Variants in CEP162 observed in about 807,000 individuals in gnomAD.
CEP162 encodes the protein centrosomal protein 162.
A neutral mutation model predicts 169.2 loss-of-function variants in CEP162; 141 were observed. That is an observed-to-expected ratio of 0.83 (90% CI 0.73 to 0.96). The LOEUF (loss-of-function observed/expected upper bound fraction) is 0.96. Among genes scored for constraint, CEP162 ranks in the 40% least tolerant of loss-of-function variants. The pLI is 0.00. For missense variants in CEP162, 1,600 were observed against 1,587.2 expected, an observed-to-expected ratio of 1.01 and a Z score of -0.14; for synonymous variants, 540 against 526.4, an observed-to-expected ratio of 1.03 and a Z score of -0.35.
chr6:84,209,409 T>G (rs1239680986), intron 6 of CEP162, among the ~76,000 whole-genome samples: 1 of 151,930 alleles, frequency 6.6e-6, no homozygotes, highest in African/African-American at 2.4e-5. Context: ...AGTTTTGCTC[T>G]TGTTGCCCAG....
intron 21 of CEP162, among the ~76,000 whole-genome samples, chr6:84,157,617 G>A (rs1313827597): frequency 6.6e-6 from 1 of 152,144 alleles, no homozygotes; most frequent in Non-Finnish European, 1.5e-5. Context: ...TGAGGTTGCA[G>A]TGAGCCAGGA....
chr6:84,149,423 A>C (rs1240711844), intron 24 of CEP162, 139 bp downstream of exon 24: 2 of 486,070 alleles, frequency 4.1e-6, no homozygotes, highest in Non-Finnish European at 6.7e-6. Flanking sequence ...AAAAGAAATC[A>C]AGCCAATAAT....
intron 25 of CEP162, among the ~76,000 whole-genome samples, chr6:84,141,465 G>C (rs1377576408): frequency 6.6e-6 from 1 of 151,924 alleles, no homozygotes; most frequent in African/African-American, 2.4e-5. Flanking sequence ...ACTCCCAACT[G>C]CCTGATGTTG....
Position 84,216,019 on chromosome 6 carries a change from C to T in CEP162, c.173-97G>A, listed in dbSNP as rs1331703322. On this transcript the variant is annotated intron_variant, in intron 3 of 26. Transcript: ENST00000403245. ...AATAATGTTATGCTAATTTTGTGCA[C>T]AGTAGCTATAAAATAAATCTGCTCT... 6 of 1,377,142 alleles carry T rather than the reference C, an allele frequency of 4.4e-6. No homozygotes were observed. In the African/African-American group the frequency reaches 4.4e-5, roughly 10 times the overall value. The allele number at this position is 1,377,142 out of a possible 1,614,324, so 85.3% of individuals were successfully genotyped here.
At chr6:84,202,690 G>A (rs753687208) in intron 7 of CEP162, among the ~76,000 whole-genome samples, 7 of 151,272 alleles carry the variant, frequency 4.6e-5, no homozygotes, top group Non-Finnish European at 1.0e-4. Context: ...AACCATGCCC[G>A]GCTAATTTTT....
intron 26 of CEP162, among the ~76,000 whole-genome samples, chr6:84,125,960 A>G (rs1588680659): frequency 2.0e-5 from 3 of 152,164 alleles, no homozygotes; most frequent in African/African-American, 7.2e-5. Context: ...TTTAACTTCT[A>G]TTAATTTATC....
At position 84,215,803 on chromosome 6, in the gene CEP162, A is replaced by G. The variant is rs534461877; in HGVS notation, c.292T>C (p.Leu98=). The G allele has an allele frequency of 6.3e-7, 1 of 1,592,244 alleles. No individual in the cohort carries two copies. The highest frequency in any genetic ancestry group is 1.8e-5 in the Admixed American group (1 of 57,130). The change falls in exon 4 of 27, where the codon TTA becomes CTA. Residue 98 remains leucine (L), a synonymous_variant. Coordinates refer to ENST00000403245, the MANE Select transcript of CEP162 (RefSeq NM_014895.4). ...QFLKSSGTSL[L]STDSLETNEL... is the part of the protein sequence containing the mutation. Reference sequence around the variant, plus strand: ...TTTGTTTCTAAGCTATCAGTACTTAAGAGAGAGGTTCCACTGCTCTTAAGA... The same window carrying G: ...TTTGTTTCTAAGCTATCAGTACTTAGGAGAGAGGTTCCACTGCTCTTAAGA...
At position 84,185,187 on chromosome 6, in the gene CEP162, CT is replaced by C; in HGVS notation, c.1662del (p.Glu555LysfsTer48). The C allele has an allele frequency of 6.2e-7, 1 of 1,607,358 alleles. No homozygotes were observed. Among genetic ancestry groups the C allele is most frequent in the Non-Finnish European group, 8.5e-7 (1 of 1,174,922 alleles). The stretch of plus-strand genomic sequence containing the variant: ...TACTAAATAAAGAGTATATGATTAC[CT>C]TTTTTCCTAGGTTGATTGGAGGTAG... ...SISTSNQPRK[K>X]EILSGTKLIK... On this transcript the variant is annotated frameshift_variant and splice_region_variant, in exon 13 of 27. Transcript: ENST00000403245. LOFTEE classifies it high-confidence loss of function.
intron 21 of CEP162, among the ~76,000 whole-genome samples, chr6:84,156,184 G>T (rs1054970073): frequency 6.6e-6 from 1 of 152,056 alleles, no homozygotes; most frequent in East Asian, 1.9e-4. Context: ...ATGTGCAAAA[G>T]AATGAAACTG....
At chr6:84,161,048 A>G (rs150617256) in intron 20 of CEP162, 132 bp from the exon 21 acceptor site, 130 of 654,520 alleles carry the variant, frequency 2.0e-4, no homozygotes, top group African/African-American at 1.4e-3. Context: ...TAATTCCTCA[A>G]ATTCTTTGAG....
At chr6:84,164,725 T>A (rs999432771) in intron 18 of CEP162, among the ~76,000 whole-genome samples, 3 of 152,118 alleles carry the variant, frequency 2.0e-5, no homozygotes, top group Middle Eastern at 3.4e-3. Flanking sequence ...AGGAGAGAAT[T>A]AGGACAAATA....
chr6:84,185,284 G>T lies in CEP162; in HGVS notation c.1566C>A (p.Leu522=), dbSNP rs1331006354. 13 of 1,613,516 alleles carry T rather than the reference G, an allele frequency of 8.1e-6. No individual in the cohort carries two copies. The highest frequency in any genetic ancestry group is 1.1e-5 in the Non-Finnish European group (13 of 1,179,650). Residue 522 remains leucine, a synonymous_variant, in exon 13 of 27, where the codon CTC becomes CTA. Transcript: ENST00000403245. ...SSGYGKPSSP[L]KMFSTLEKKT... ...TCTTTTCAAGAGTAGAAAACATCTT[G>T]AGTGGTGAACTGGGTTTGCCATAGC...
chr6:84,164,443 C>T (rs1404105932), intron 18 of CEP162, among the ~76,000 whole-genome samples: 1 of 152,150 alleles, frequency 6.6e-6, no homozygotes, highest in Non-Finnish European at 1.5e-5. Context: ...AGACTTGGAA[C>T]CAACCCAAAT....
chr6:84,133,358 T>C (rs1190920143), intron 25 of CEP162, among the ~76,000 whole-genome samples: 1 of 151,584 alleles, frequency 6.6e-6, no homozygotes, highest in African/African-American at 2.4e-5. Flanking sequence ...TCAAACTCCA[T>C]GCTGGGAGAA....
intron 11 of CEP162, among the ~76,000 whole-genome samples, chr6:84,189,812 A>C (rs1475230438): frequency 6.6e-6 from 1 of 152,224 alleles, no homozygotes. Context: ...GGGATCCACT[A>C]GGTGAAGCCA....
At position 84,153,180 on chromosome 6, in the gene CEP162, C is replaced by A; in HGVS notation, c.2995-1G>T. On this transcript the variant is annotated splice_acceptor_variant, in intron 22 of 26. Transcript: ENST00000403245. LOFTEE classifies it high-confidence loss of function. ...GCTCTAGTCTTTGTTCATACTGAAT[C>A]TGAAGGAAAGAATCCATGTAATGCC... 6.3e-7 allele frequency: 1 copy of A among 1,587,056 alleles called. No individual in the cohort carries two copies. Among genetic ancestry groups the A allele is most frequent in the African/African-American group, 1.4e-5 (1 of 73,212 alleles).
At chr6:84,212,767 A>G (rs1413810087) in intron 6 of CEP162, among the ~76,000 whole-genome samples, 190 bp downstream of exon 6, 1 of 152,118 alleles carries the variant, frequency 6.6e-6, no homozygotes, top group Admixed American at 6.5e-5. Flanking sequence ...CAGTCTATGA[A>G]AAAAACCTTT....
chr6:84,146,601 A>G (rs866643761), intron 25 of CEP162, 86 bp downstream of exon 25: 9 of 611,862 alleles, frequency 1.5e-5, no homozygotes, highest in Middle Eastern at 4.2e-4. Context: ...CTATTTGTAC[A>G]TTTAGGTAAA....
rs2099545171 is a variant in CEP162, at chr6:84,202,823, C to A, written c.688-1056G>T. 2.6e-5 allele frequency among the ~76,000 whole-genome samples: 4 copies of A among 152,034 alleles called. No individual in the cohort carries two copies. The South Asian group carries it at 8.3e-4, about 31-fold the overall frequency. On this transcript the variant is annotated intron_variant, in intron 7 of 26. Transcript: ENST00000403245. ...ATCTCATTAAATTTCTAAGGATATT[C>A]ATCAATCACATTAATTTCTATGTTA...
Sources: allele counts gnomAD v4.1 joint callset (sites outside exome capture counted in the v4.1 genomes callset), GRCh38; gene constraint gnomAD v4.1.1; transcripts MANE v1.5; gene names NCBI Gene and HGNC (gene_info 2026-07-23, HGNC 2026-07-21).